Variants in FLRT1 observed in about 807,000 individuals in gnomAD.
The protein encoded by FLRT1 is fibronectin leucine rich transmembrane protein 1.
In FLRT1, 14 loss-of-function variants were observed where a neutral mutation model predicts 30.9. That is an observed-to-expected ratio of 0.45 (90% CI 0.30 to 0.71). The LOEUF (loss-of-function observed/expected upper bound fraction) is 0.71, where lower values mean the gene tolerates loss of function less well. FLRT1 is among the 30% of genes least tolerant of loss of function. The pLI, the probability that FLRT1 is intolerant of heterozygous loss-of-function variation, is 0.08. For missense variants in FLRT1, 737 were observed against 949.2 expected (o/e 0.78, Z 2.94); for synonymous variants, 368 against 430.4 (o/e 0.85, Z 1.80).
intron 2 of FLRT1, among the ~76,000 whole-genome samples, chr11:64,109,882 A>G (rs1944828984): frequency 6.6e-6 from 1 of 152,110 alleles, no homozygotes; most frequent in African/African-American, 2.4e-5. Context: ...GCACAGCAGG[A>G]GCAGGGGAGT....
rs529519228 is a variant in FLRT1, at chr11:64,082,481, G to A, written c.-1037-20713G>A. Among the ~76,000 whole-genome samples, 1 of 152,170 alleles carries A rather than the reference G, an allele frequency of 6.6e-6. No homozygotes were observed. Among genetic ancestry groups the A allele is most frequent in the East Asian group, 1.9e-4 (1 of 5,150 alleles). On this transcript the variant is annotated intron_variant, in intron 1 of 2. Transcript: ENST00000682287. This position sits in a 1 kb window ranked among gnomAD's most constrained non-coding sequence, Gnocchi z 4.5. ...GCTGAGGGACTGAGGGCCAGGCTGG[G>A]GCCAAGAGCTGGTCCCAGGGGGTGA...
intron 1 of FLRT1, among the ~76,000 whole-genome samples, chr11:64,038,272 C>G (rs1378850401): frequency 1.3e-5 from 2 of 152,154 alleles, no homozygotes; most frequent in African/African-American, 4.8e-5. Flanking sequence ...GTCGCATTCA[C>G]TGGGTGACCC....
At chr11:64,063,874 C>T (rs1014881327) in intron 1 of FLRT1, among the ~76,000 whole-genome samples, 2 of 152,200 alleles carry the variant, frequency 1.3e-5, no homozygotes, top group Admixed American at 1.3e-4. Flanking sequence ...CTCCCCAGCC[C>T]CAGAGAGGGT....
Position 64,064,516 on chromosome 11 carries a change from A to G in FLRT1, c.-1038+28357A>G, listed in dbSNP as rs1590858797. Among the ~76,000 whole-genome samples, 1 of 152,020 alleles carries G rather than the reference A, an allele frequency of 6.6e-6. No individual in the cohort carries two copies. Among genetic ancestry groups the G allele is most frequent in the African/African-American group, 2.4e-5 (1 of 41,390 alleles). On this transcript the variant is annotated intron_variant, in intron 1 of 2. Coordinates refer to ENST00000682287, the MANE Select transcript of FLRT1 (RefSeq NM_013280.5). The surrounding 1 kb of genome is among the most constrained non-coding windows in gnomAD (Gnocchi z 4.5). ...CCGGATGGGCACGCAGGCAGGGTGC[A>G]TATGTACGTATGTGCCTGGCATGGT...
rs900142046 is a variant in FLRT1 at position 64,103,263 on chromosome 11, G to A, written c.-968G>A. ...CAGACAAGACCAGAGAGTGAAGCGG[G>A]AATAACTCATCCTCCCTACCTCCCC... On this transcript the variant is annotated 5_prime_UTR_variant, in exon 2 of 3. Coordinates refer to ENST00000682287, the MANE Select transcript of FLRT1 (RefSeq NM_013280.5). 6.6e-6 allele frequency: 1 copy of A among 152,150 alleles called. No individual in the cohort carries two copies. Among genetic ancestry groups the A allele is most frequent in the African/African-American group, 2.4e-5 (1 of 41,406 alleles). 9.4% of individuals were successfully genotyped at this position (152,150 alleles called of 1,614,324 possible).
intron 1 of FLRT1, among the ~76,000 whole-genome samples, chr11:64,060,187 G>C (rs531755818): frequency 4.5e-4 from 69 of 152,374 alleles, no homozygotes; most frequent in African/African-American, 1.6e-3. Flanking sequence ...GCCAGCATCT[G>C]CCCAGCGGGC....
chr11:64,106,908 G>A (rs768320382), intron 2 of FLRT1, among the ~76,000 whole-genome samples: 22 of 151,866 alleles, frequency 1.4e-4, no homozygotes, highest in Non-Finnish European at 2.5e-4. Flanking sequence ...TTGAGATAGG[G>A]TCTTACTCTG....
At chr11:64,062,682 C>T (rs541144721) in intron 1 of FLRT1, among the ~76,000 whole-genome samples, 6 of 152,342 alleles carry the variant, frequency 3.9e-5, no homozygotes, top group African/African-American at 1.4e-4. Flanking sequence ...TCAGGGAAGC[C>T]AGAGTGCTGA....
At chr11:64,043,335 C>T (rs1943523924) in intron 1 of FLRT1, among the ~76,000 whole-genome samples, 1 of 152,220 alleles carries the variant, frequency 6.6e-6, no homozygotes, top group Non-Finnish European at 1.5e-5. Context: ...TTTCCGCCCT[C>T]AGGACCCCAC....
In FLRT1 at chr11:64,119,017, G is replaced by A. The variant is rs2134629490; in HGVS notation, c.*725G>A. ...CGTAGAAGCCCCGGCGGAAGCCGTA[G>A]CTTTCCCTGCCACCTGGAGGTGCAT... On this transcript the variant is annotated 3_prime_UTR_variant, in exon 3 of 3. Coordinates refer to ENST00000682287, the MANE Select transcript of FLRT1 (RefSeq NM_013280.5). 1 of 167,328 alleles carries A rather than the reference G, an allele frequency of 6.0e-6. No individual in the cohort carries two copies. Among genetic ancestry groups the A allele is most frequent in the Admixed American group, 6.5e-5 (1 of 15,306 alleles). 10.4% of individuals were successfully genotyped at this position (167,328 alleles called of 1,614,324 possible).
chr11:64,072,114 G>GGCCT (rs1944120238), intron 1 of FLRT1, among the ~76,000 whole-genome samples: 1 of 152,234 alleles, frequency 6.6e-6, no homozygotes, highest in Non-Finnish European at 1.5e-5. Context: ...TAACCGCTGG[G>GGCCT]GCCTGCCCCG....
chr11:64,041,353 C>T (rs558143898), intron 1 of FLRT1, among the ~76,000 whole-genome samples: 258 of 152,196 alleles, frequency 1.7e-3, no homozygotes, highest in African/African-American at 6.0e-3. Flanking sequence ...CCCTCCACCC[C>T]CCGTGACGCC....
intron 2 of FLRT1, among the ~76,000 whole-genome samples, chr11:64,105,150 C>T (rs1944737188): frequency 6.6e-6 from 1 of 152,242 alleles, no homozygotes; most frequent in Admixed American, 6.5e-5. Context: ...GGGCTATTTG[C>T]TGTTATTTAT....
chr11:64,042,498 C>T (rs1943507078), intron 1 of FLRT1, among the ~76,000 whole-genome samples: 1 of 152,202 alleles, frequency 6.6e-6, no homozygotes, highest in Non-Finnish European at 1.5e-5. Flanking sequence ...GATGGCCAGC[C>T]CTGCAGCGTA....
chr11:64,042,614 G>A (rs1943509637), intron 1 of FLRT1, among the ~76,000 whole-genome samples: 1 of 152,086 alleles, frequency 6.6e-6, no homozygotes, highest in African/African-American at 2.4e-5. Context: ...GGGGGTCTTG[G>A]AAGCCCTTCC....
At position 64,096,298 on chromosome 11, in the gene FLRT1, G is replaced by A. The variant is rs571780702; in HGVS notation, c.-1037-6896G>A. 1.5e-3 allele frequency among the ~76,000 whole-genome samples: 226 copies of A among 152,314 alleles called. No individual in the cohort carries two copies. The highest frequency in any genetic ancestry group is 3.3e-3 in the African/African-American group (139 of 41,580). On this transcript the variant is annotated intron_variant, in intron 1 of 2. Transcript: ENST00000682287. This position sits in a 1 kb window ranked among gnomAD's most constrained non-coding sequence, Gnocchi z 4.6. ...AGAGGTTCCGGCCTTGGCTGGTGGCGCCAGGTTCATCACCCCGAGCTTCCT... is the reference window on the plus strand; with the variant it reads ...AGAGGTTCCGGCCTTGGCTGGTGGCACCAGGTTCATCACCCCGAGCTTCCT...
At position 64,116,578 on chromosome 11, in the gene FLRT1, C is replaced by T. The variant is rs770255826; in HGVS notation, c.311C>T (p.Thr104Ile). The stretch of plus-strand genomic sequence containing the variant: ...GCCGGCATCCCCCAGGACCTCAAGA[C>T]CAAGGTCAACGTGCAGGTCATCTAC... ...NNAGIPQDLKTKVNVQVIYLY... is the reference protein window; with the variant it reads ...NNAGIPQDLKIKVNVQVIYLY... The change falls in exon 3 of 3, where the codon ACC (threonine) becomes ATC (isoleucine). Residue 104 changes from threonine (T) to isoleucine (I), a missense_variant. By Grantham distance (89) the Thr-to-Ile change is moderately conservative. Transcript: ENST00000682287. 1.5e-5 allele frequency: 24 copies of T among 1,614,104 alleles called. No homozygotes were observed. Among genetic ancestry groups the T allele is most frequent in the Non-Finnish European group, 2.0e-5 (24 of 1,179,980 alleles).
intron 1 of FLRT1, among the ~76,000 whole-genome samples, chr11:64,061,167 AATGAGT>A (rs1458291878): frequency 6.6e-6 from 1 of 152,190 alleles, no homozygotes; most frequent in African/African-American, 2.4e-5. Flanking sequence ...TGAGTCTTGT[AATGAGT>A]ATGGATTTGC....
intron 1 of FLRT1, among the ~76,000 whole-genome samples, chr11:64,086,062 T>C (rs1217281480): frequency 1.3e-5 from 2 of 152,124 alleles, no homozygotes; most frequent in African/African-American, 4.8e-5. Flanking sequence ...TCCCTCCCTA[T>C]GGAGCCCTGG....
Sources: allele counts gnomAD v4.1 joint callset (sites outside exome capture counted in the v4.1 genomes callset), GRCh38; gene constraint gnomAD v4.1.1; non-coding constraint Gnocchi (gnomAD v3.1); transcripts MANE v1.5; gene names NCBI Gene and HGNC (gene_info 2026-07-23, HGNC 2026-07-21).